The following LRRC4C variants were observed in gnomAD, a reference collection of about 807,000 sequenced individuals.
LRRC4C encodes leucine rich repeat containing 4C.
A neutral mutation model predicts 33.6 loss-of-function variants in LRRC4C; 5 were observed. That is an observed-to-expected ratio of 0.15 (90% confidence interval 0.08 to 0.31). The LOEUF (loss-of-function observed/expected upper bound fraction) is 0.31. LRRC4C is among the 10% of genes least tolerant of loss of function. The pLI is 1.00. For missense variants in LRRC4C, 560 were observed against 796.7 expected (o/e 0.70, Z 3.58); for synonymous variants, 329 against 302.0 (o/e 1.09, Z -0.93).
intron 1 of LRRC4C, among the ~76,000 whole-genome samples, chr11:40,958,901 A>T (rs1047453632): frequency 3.3e-5 from 5 of 151,672 alleles, no homozygotes; most frequent in Admixed American, 6.6e-5. Context: ...AGTTCCAACA[A>T]ATGTCTCAAG....
chr11:41,432,493 G>A (rs949401746), intron 1 of LRRC4C, among the ~76,000 whole-genome samples: 1 of 152,112 alleles, frequency 6.6e-6, no homozygotes, highest in African/African-American at 2.4e-5. Flanking sequence ...ATTAACATTA[G>A]ATATCATGTG....
intron 2 of LRRC4C, among the ~76,000 whole-genome samples, chr11:40,932,791 T>C (rs142499811): frequency 1.3e-5 from 2 of 152,052 alleles, no homozygotes; most frequent in Admixed American, 6.6e-5. Flanking sequence ...CCATGGAGAA[T>C]AGAGATTTTG....
intron 1 of LRRC4C, among the ~76,000 whole-genome samples, chr11:41,239,014 T>C (rs937766811): frequency 2.0e-5 from 3 of 151,884 alleles, no homozygotes; most frequent in Non-Finnish European, 4.4e-5. Context: ...GGATTCTTTG[T>C]TAAACTCCTC....
At chr11:40,500,924 G>A (rs917509685) in intron 3 of LRRC4C, among the ~76,000 whole-genome samples, 2 of 152,010 alleles carry the variant, frequency 1.3e-5, no homozygotes, top group East Asian at 3.9e-4. Context: ...TTCCACCTAT[G>A]AGCCTGTAAA....
intron 3 of LRRC4C, among the ~76,000 whole-genome samples, chr11:40,505,386 A>G (rs746485077): frequency 3.3e-5 from 5 of 152,122 alleles, no homozygotes; most frequent in Non-Finnish European, 4.4e-5. Flanking sequence ...TGGTCAAACA[A>G]CAATAGATTT....
intron 1 of LRRC4C, among the ~76,000 whole-genome samples, chr11:41,078,990 T>G (rs1168899006): frequency 6.6e-6 from 1 of 152,208 alleles, no homozygotes; most frequent in Admixed American, 6.5e-5. Flanking sequence ...AATTTTCTGT[T>G]TGTCATCCAG....
At chr11:40,450,653 C>T (rs1037938678) in intron 3 of LRRC4C, among the ~76,000 whole-genome samples, 5 of 150,970 alleles carry the variant, frequency 3.3e-5, no homozygotes, top group Non-Finnish European at 5.9e-5. Context: ...ACACATTATA[C>T]AATTAGAAAT....
intron 2 of LRRC4C, among the ~76,000 whole-genome samples, chr11:40,790,078 C>T (rs1320967287): frequency 2.6e-5 from 4 of 152,238 alleles, no homozygotes; most frequent in Non-Finnish European, 1.5e-5. Flanking sequence ...AAAACCATAT[C>T]CTTACATCAT....
chr11:40,475,851 C>G (rs1953189091), intron 3 of LRRC4C, among the ~76,000 whole-genome samples: 1 of 152,126 alleles, frequency 6.6e-6, no homozygotes, highest in African/African-American at 2.4e-5. Context: ...CCTGGGTTGT[C>G]TCATTCTAAA....
intron 2 of LRRC4C, among the ~76,000 whole-genome samples, chr11:40,797,032 T>C (rs1016611672): frequency 1.3e-5 from 2 of 151,972 alleles, no homozygotes; most frequent in Non-Finnish European, 2.9e-5. Context: ...ATCATTGGAG[T>C]AGACAGTGGA....
intron 3 of LRRC4C, among the ~76,000 whole-genome samples, chr11:40,466,616 C>T (rs1218605935): frequency 6.6e-6 from 1 of 151,522 alleles, no homozygotes. Context: ...TTACATATTA[C>T]AAAGCCTTAG....
chr11:40,548,021 A>T (rs1285566739), intron 3 of LRRC4C, among the ~76,000 whole-genome samples: 1 of 152,116 alleles, frequency 6.6e-6, no homozygotes, highest in Non-Finnish European at 1.5e-5. Flanking sequence ...AGAATCAGTG[A>T]AGTGAATAGT....
chr11:40,490,661 A>C (rs936815623), intron 3 of LRRC4C, among the ~76,000 whole-genome samples: 96 of 152,146 alleles, frequency 6.3e-4, no homozygotes, highest in Non-Finnish European at 1.1e-3. Context: ...CTCCTTTTCC[A>C]CTGGTGAAGA....
chr11:40,147,599 C>G (rs1243734899), intron 5 of LRRC4C, among the ~76,000 whole-genome samples: 1 of 151,748 alleles, frequency 6.6e-6, no homozygotes, highest in African/African-American at 2.4e-5. Flanking sequence ...GTGAAGACCT[C>G]TCACTTCATG....
intron 3 of LRRC4C, among the ~76,000 whole-genome samples, chr11:40,565,495 T>C (rs1343773162): frequency 6.6e-6 from 1 of 152,166 alleles, no homozygotes; most frequent in Non-Finnish European, 1.5e-5. Flanking sequence ...TGTTCTCATT[T>C]AGGGGCAATA....
At chr11:41,335,376 T>A (rs1951421302) in intron 1 of LRRC4C, among the ~76,000 whole-genome samples, 1 of 152,158 alleles carries the variant, frequency 6.6e-6, no homozygotes. Flanking sequence ...TACCAAAATG[T>A]TACCCACCAT....
intron 1 of LRRC4C, among the ~76,000 whole-genome samples, chr11:40,969,764 G>T (rs770619591): frequency 3.3e-5 from 5 of 152,080 alleles, no homozygotes; most frequent in Admixed American, 1.3e-4. Flanking sequence ...TATAAACACA[G>T]AAATTAAAAA....
intron 1 of LRRC4C, among the ~76,000 whole-genome samples, chr11:41,042,490 T>C (rs1399224457): frequency 6.6e-6 from 1 of 152,156 alleles, no homozygotes; most frequent in Non-Finnish European, 1.5e-5. Context: ...ATAAGGAGTG[T>C]AGGTGGAAAG....
At chr11:40,598,241 C>T (rs535154674) in intron 3 of LRRC4C, among the ~76,000 whole-genome samples, 30 of 152,298 alleles carry the variant, frequency 2.0e-4, no homozygotes, top group African/African-American at 7.2e-4. Context: ...TGTAGCACCT[C>T]TGCTTTTTAA....
Sources: allele counts gnomAD v4.1 joint callset (sites outside exome capture counted in the v4.1 genomes callset), GRCh38; gene constraint gnomAD v4.1.1; transcripts MANE v1.5; gene names NCBI Gene and HGNC (gene_info 2026-07-23, HGNC 2026-07-21).